Variants in ZNF396 observed in about 807,000 individuals in gnomAD.
The protein encoded by ZNF396 is zinc finger protein 396, also known as zinc finger and SCAN domain-containing protein 14.
A neutral mutation model predicts 20.5 loss-of-function variants in ZNF396; 14 were observed. The ratio of observed to expected loss-of-function variants is 0.68; its 90% CI spans 0.45 to 1.07. The LOEUF (loss-of-function observed/expected upper bound fraction) is 1.07, where lower values mean the gene tolerates loss of function less well. Among genes scored for constraint, ZNF396 ranks in the 50% least tolerant of loss-of-function variants. The pLI, the probability that ZNF396 is intolerant of heterozygous loss-of-function variation, is 0.00. For missense variants in ZNF396, 347 were observed against 390.1 expected (o/e 0.89, Z 0.93); for synonymous variants, 119 against 140.6 (o/e 0.85, Z 1.08).
At chr18:35,369,801 T>A in intron 3 of ZNF396, 141 bp from the exon 4 acceptor site, 1 of 902,984 alleles carries the variant, frequency 1.1e-6, no homozygotes, top group Non-Finnish European at 1.6e-6. Flanking sequence ...GAAGTTTATA[T>A]AAGACATAGA....
In ZNF396 at chr18:35,369,318, G is replaced by A. The variant is rs115597469; in HGVS notation, c.905C>T (p.Thr302Ile). 557 of 1,614,210 alleles carry A rather than the reference G, an allele frequency of 3.5e-4. 3 individuals carry two copies. The African/African-American group carries it at 4.6e-3, about 13-fold the overall frequency. Reference sequence around the variant, plus strand: ...ATGACACTTGTAGGGCTTCTCACCAGTATGGGTTCGTCGATGCTGAATCAG... The same window carrying A: ...ATGACACTTGTAGGGCTTCTCACCAATATGGGTTCGTCGATGCTGAATCAG... ...AILIQHRRTH[T>I]GEKPYKCHDC... Residue 302 changes from threonine (T) to isoleucine (I), a missense_variant, in exon 4 of 4, where the codon ACT becomes ATT. Coordinates refer to ENST00000589332, the MANE Select transcript of ZNF396 (RefSeq NM_001322286.2).
rs373546518 is a variant in ZNF396, at chr18:35,373,896, C to G, written c.397G>C (p.Glu133Gln). 8.7e-6 allele frequency: 14 copies of G among 1,613,336 alleles called. No homozygotes were observed. Among genetic ancestry groups the G allele is most frequent in the Non-Finnish European group, 1.2e-5 (14 of 1,179,586 alleles). Residue 133 changes from glutamate (E) to glutamine (Q), a missense_variant, in exon 2 of 4, where the codon GAG (glutamate) becomes CAG (glutamine). Coordinates refer to ENST00000589332, the MANE Select transcript of ZNF396 (RefSeq NM_001322286.2). Reference protein sequence around the residue: ...TVTMLEDVERELDGPKQIFFG... With the variant: ...TVTMLEDVERQLDGPKQIFFG... ...CTTACCTGCTTTGGTCCATCAAGCT[C>G]TCTCTCCACATCCTCCAGCATAGTC...
rs981782086 is a variant in ZNF396, at chr18:35,368,695, G to T, written c.*520C>A. The T allele has an allele frequency of 6.4e-5, 60 of 937,792 alleles. No individual in the cohort carries two copies. In the African/African-American group the frequency reaches 1.0e-3, roughly 16 times the overall value. 58.1% of individuals were successfully genotyped at this position (937,792 alleles called of 1,614,324 possible). A position where few individuals can be genotyped will look rare whatever the true frequency, so the allele number is the denominator to read the frequency against. ...TTGAACTCCTGAGTTCAGGCAATCT[G>T]CCTGCCTCGGCCTCCCAAAGTGCTA... On this transcript the variant is annotated 3_prime_UTR_variant, in exon 4 of 4. Transcript: ENST00000589332.
intron 3 of ZNF396, among the ~76,000 whole-genome samples, chr18:35,370,715 G>A (rs1285493496): frequency 6.6e-6 from 1 of 151,192 alleles, no homozygotes. Context: ...GGGTTTCACC[G>A]TTTTAGCCGG....
chr18:35,370,903 G>A (rs1567955042), intron 3 of ZNF396, among the ~76,000 whole-genome samples: 1 of 152,158 alleles, frequency 6.6e-6, no homozygotes, highest in Non-Finnish European at 1.5e-5. Flanking sequence ...CATGTCTGGG[G>A]AGATGACTTG....
chr18:35,369,021 G>A lies in ZNF396; in HGVS notation c.*194C>T, dbSNP rs1045303980. The A allele has an allele frequency of 5.2e-5, 71 of 1,361,920 alleles. No individual in the cohort carries two copies. The highest frequency in any genetic ancestry group is 6.7e-5 in the Non-Finnish European group (71 of 1,063,594). 84.4% of individuals were successfully genotyped at this position (1,361,920 alleles called of 1,614,324 possible). On this transcript the variant is annotated 3_prime_UTR_variant, in exon 4 of 4. Coordinates refer to ENST00000589332, the MANE Select transcript of ZNF396 (RefSeq NM_001322286.2). ...TTGGAATTGCAAACGTCAGAATTGA[G>A]ACTGCATTGATAAGCAGAAAAGCAA...
In ZNF396 at chr18:35,373,887, C is replaced by A; in HGVS notation, c.406G>T (p.Gly136Ter). 6.2e-7 allele frequency: 1 copy of A among 1,611,736 alleles called. No homozygotes were observed. The highest frequency in any genetic ancestry group is 1.3e-5 in the African/African-American group (1 of 75,010). The change falls in exon 2 of 4, where the codon GGA becomes TGA. Residue 136 changes from glycine (G) to a stop codon, truncating the protein, a stop_gained. Transcript: ENST00000589332. LOFTEE classifies it high-confidence loss of function. Reference sequence around the variant, plus strand: ...GGCATCCTTCTTACCTGCTTTGGTCCATCAAGCTCTCTCTCCACATCCTCC... The same window carrying A: ...GGCATCCTTCTTACCTGCTTTGGTCAATCAAGCTCTCTCTCCACATCCTCC... ...MLEDVERELD[G>*]PKQIFFGRRK...
chr18:35,374,028 C>A lies in ZNF396; in HGVS notation c.265G>T (p.Glu89Ter). 6.2e-7 allele frequency: 1 copy of A among 1,614,246 alleles called. No homozygotes were observed. Among genetic ancestry groups the A allele is most frequent in the South Asian group, 1.1e-5 (1 of 91,088 alleles). The change falls in exon 2 of 4, where the codon GAG (glutamate) becomes TAG (stop). Residue 89 changes from glutamate (E) to a stop codon, truncating the protein, a stop_gained. Transcript: ENST00000589332. LOFTEE classifies it high-confidence loss of function. The surrounding 1 kb of genome is among the most constrained non-coding windows in gnomAD (Gnocchi z 4.3). ...LWLRPEVHTK[E>*]QILELLVLEQ... is the part of the protein sequence containing the mutation. ...AGCACCAGCAGCTCCAGGATCTGCT[C>A]CTTGGTGTGCACTTCCGGCCTCAGC...
intron 1 of ZNF396, among the ~76,000 whole-genome samples, chr18:35,375,797 C>T (rs1468918556): frequency 6.6e-6 from 1 of 152,088 alleles, no homozygotes; most frequent in Non-Finnish European, 1.5e-5. Flanking sequence ...GGCTGGAGTA[C>T]AATGGCGGGA....
At position 35,367,316 on chromosome 18, in the gene ZNF396, A is replaced by C. The variant is rs538052844; in HGVS notation, c.*1899T>G. 1 of 152,346 alleles carries C rather than the reference A, an allele frequency of 6.6e-6. No individual in the cohort carries two copies. The highest frequency in any genetic ancestry group is 2.1e-4 in the South Asian group (1 of 4,832). 9.4% of individuals were successfully genotyped at this position (152,346 alleles called of 1,614,324 possible). On this transcript the variant is annotated 3_prime_UTR_variant, in exon 4 of 4. Transcript: ENST00000589332. ...CTAATCTTACATTTATCAGCATACT[A>C]ACTAAGCAGAGTGTGGTAATTCCAC...
chr18:35,370,532 A>G (rs1465461843), intron 3 of ZNF396, among the ~76,000 whole-genome samples: 13 of 6,312 alleles, frequency 2.1e-3, no homozygotes, highest in Middle Eastern at 0.071. Flanking sequence ...TTTTTTTTTG[A>G]GACGGAGTCT....
Position 35,374,197 on chromosome 18 carries a change from C to G in ZNF396, c.96G>C (p.Gln32His). 6.2e-7 allele frequency: 1 copy of G among 1,614,224 alleles called. No homozygotes were observed. Among genetic ancestry groups the G allele is most frequent in the South Asian group, 1.1e-5 (1 of 91,086 alleles). The part of the protein sequence containing the change: ...ILTEKMEEEE[Q>H]TCDPDSSLHW... ...GGAGGCTAGAGTCTGGATCACAGGT[C>G]TGCTCTTCCTCTTCCATCTTCTCTG... The change falls in exon 2 of 4, where the codon CAG becomes CAC. Residue 32 changes from glutamine to histidine, a missense_variant. Transcript: ENST00000589332. The surrounding 1 kb of genome is among the most constrained non-coding windows in gnomAD (Gnocchi z 4.3).
Position 35,374,247 on chromosome 18 carries a change from A to C in ZNF396, c.46T>G (p.Ser16Ala). 1.2e-6 allele frequency: 2 copies of C among 1,614,152 alleles called. No homozygotes were observed. The highest frequency in any genetic ancestry group is 1.7e-6 in the Non-Finnish European group (2 of 1,180,024). Residue 16 changes from serine to alanine, a missense_variant, in exon 2 of 4, where the codon TCA (serine) becomes GCA (alanine). Physicochemically the swap from Ser to Ala is moderately conservative, Grantham distance 99. Transcript: ENST00000589332. This position sits in a 1 kb window ranked among gnomAD's most constrained non-coding sequence, Gnocchi z 4.3. ...GKSSSLLTQT[S>A]EECNGILTEK... ...GTCAGAATCCCATTACACTCCTCTG[A>C]AGTTTGTGTTAGGAGTGATGATGAC... is the stretch of plus-strand genomic sequence containing the variant.
chr18:35,374,128 G>A lies in ZNF396; in HGVS notation c.165C>T (p.Phe55=). 1 of 1,614,256 alleles carries A rather than the reference G, an allele frequency of 6.2e-7. No homozygotes were observed. The highest frequency in any genetic ancestry group is 8.5e-7 in the Non-Finnish European group (1 of 1,180,042). Residue 55 remains phenylalanine (F), a synonymous_variant, in exon 2 of 4, where the codon TTC becomes TTT. Transcript: ENST00000589332. The surrounding 1 kb of genome is among the most constrained non-coding windows in gnomAD (Gnocchi z 4.3). The part of the protein sequence containing the change: ...SYSPETFRQQ[F]RQFGYQDSPG... ...GTGAATCCTGGTAGCCAAACTGCCT[G>A]AATTGCTGGCGGAAGGTCTCTGGGC...
At position 35,369,638 on chromosome 18, in the gene ZNF396, A is replaced by G; in HGVS notation, c.585T>C (p.Asn195=). ...TCTTTTGCCTTGAAGCAGATTTCAC[A>G]TTTGTAGTTTTGATGTCTTCATCTG... ...RPHDEDIKTT[N]VKSASRQKTS... is the part of the protein sequence containing the mutation. Residue 195 remains asparagine (N), a synonymous_variant, in exon 4 of 4, where the codon AAT becomes AAC. Coordinates refer to ENST00000589332, the MANE Select transcript of ZNF396 (RefSeq NM_001322286.2). The G allele has an allele frequency of 6.2e-7, 1 of 1,601,380 alleles. No homozygotes were observed. Among genetic ancestry groups the G allele is most frequent in the Admixed American group, 1.8e-5 (1 of 57,114 alleles).
At chr18:35,375,308 A>AAAC (rs71381554) in intron 1 of ZNF396, among the ~76,000 whole-genome samples, 2 of 145,474 alleles carry the variant, frequency 1.4e-5, no homozygotes, top group Non-Finnish European at 1.5e-5. Flanking sequence ...AAAAAAGAAA[A>AAAC]AACAACAAAA....
intron 3 of ZNF396, 167 bp downstream of exon 3, chr18:35,373,289 C>A: frequency 1.3e-6 from 1 of 771,720 alleles, no homozygotes; most frequent in South Asian, 4.3e-5. Flanking sequence ...GAAGCAAGAA[C>A]AAAATACTGA....
Position 35,374,206 on chromosome 18 carries a change from C to T in ZNF396, c.87G>A (p.Glu29=). 6.2e-7 allele frequency: 1 copy of T among 1,614,214 alleles called. No individual in the cohort carries two copies. Among genetic ancestry groups the T allele is most frequent in the Non-Finnish European group, 8.5e-7 (1 of 1,180,040 alleles). ...CNGILTEKME[E]EEQTCDPDSS... is the part of the protein sequence containing the mutation. ...AGTCTGGATCACAGGTCTGCTCTTC[C>T]TCTTCCATCTTCTCTGTCAGAATCC... is the stretch of plus-strand genomic sequence containing the variant. Residue 29 remains glutamate (E), a synonymous_variant, in exon 2 of 4, where the codon GAG becomes GAA. Coordinates refer to ENST00000589332, the MANE Select transcript of ZNF396 (RefSeq NM_001322286.2). This position sits in a 1 kb window ranked among gnomAD's most constrained non-coding sequence, Gnocchi z 4.3.
chr18:35,373,117 G>C (rs926035637), intron 3 of ZNF396: 1 of 317,190 alleles, frequency 3.2e-6, no homozygotes, highest in African/African-American at 2.1e-5. Flanking sequence ...TATAGGAAAT[G>C]ATGATGAGGA....
Sources: allele counts gnomAD v4.1 joint callset (sites outside exome capture counted in the v4.1 genomes callset), GRCh38; gene constraint gnomAD v4.1.1; non-coding constraint Gnocchi (gnomAD v3.1); transcripts MANE v1.5; gene names NCBI Gene and HGNC (gene_info 2026-07-23, HGNC 2026-07-21).